ITGA9: variants seen among roughly 807,000 people sequenced by gnomAD.
ITGA9 encodes the protein integrin subunit alpha 9.
In ITGA9, 56 loss-of-function variants were observed where a neutral mutation model predicts 127.8. The ratio of observed to expected loss-of-function variants is 0.44; its 90% CI spans 0.35 to 0.55. The LOEUF is 0.55. Among genes scored for constraint, ITGA9 ranks in the 20% least tolerant of loss-of-function variants. The pLI is 0.00. For synonymous variants in ITGA9, 508 were observed against 514.5 expected, an observed-to-expected ratio of 0.99 and a Z score of 0.17; for missense variants, 1,196 against 1,347.1, an observed-to-expected ratio of 0.89 and a Z score of 1.76.
chr3:37,736,508 A>C (rs142759283), intron 19 of ITGA9, among the ~76,000 whole-genome samples: 1 of 152,372 alleles, frequency 6.6e-6, no homozygotes, highest in East Asian at 1.9e-4. Context: ...ACAGTGATAT[A>C]AATTGTTCTT....
chr3:37,543,624 C>T (rs1436849203), intron 15 of ITGA9, among the ~76,000 whole-genome samples: 2 of 152,164 alleles, frequency 1.3e-5, no homozygotes, highest in African/African-American at 4.8e-5. Context: ...TAGCTCAACC[C>T]AATATTGTTT....
chr3:37,522,359 G>A (rs1301372239), intron 11 of ITGA9, among the ~76,000 whole-genome samples: 3 of 152,160 alleles, frequency 2.0e-5, no homozygotes, highest in African/African-American at 7.2e-5. Context: ...CAGCTTCAGT[G>A]TGACAAAGGC....
At chr3:37,787,729 T>C (rs969057479) in intron 26 of ITGA9, among the ~76,000 whole-genome samples, 2 of 152,228 alleles carry the variant, frequency 1.3e-5, no homozygotes, top group Admixed American at 1.3e-4. Flanking sequence ...CTGTCAACTA[T>C]CAGTCTGAAG....
chr3:37,780,581 T>A (rs1696965085), intron 25 of ITGA9, among the ~76,000 whole-genome samples: 1 of 152,188 alleles, frequency 6.6e-6, no homozygotes, highest in Non-Finnish European at 1.5e-5. Flanking sequence ...CATCCATTCA[T>A]GGACACTTAA....
chr3:37,471,153 T>G lies in ITGA9; in HGVS notation c.313+19T>G. 2.5e-6 allele frequency: 4 copies of G among 1,613,740 alleles called. No individual in the cohort carries two copies. Among genetic ancestry groups the G allele is most frequent in the Non-Finnish European group, 3.4e-6 (4 of 1,179,780 alleles). ...GCTCGAGGTGGGTGACCATTACTGC[T>G]GTGGTGGAAATGGGTTCTGTACCCT... On this transcript the variant is annotated intron_variant, in intron 2 of 27. Transcript: ENST00000264741.
At chr3:37,731,209 C>T (rs79523464) in intron 18 of ITGA9, among the ~76,000 whole-genome samples, 4,863 of 152,210 alleles carry the variant, frequency 0.032, 112 homozygotes, top group Middle Eastern at 0.065. Flanking sequence ...GCCCAGGAAT[C>T]TGCATTTTAT....
rs190708959 is a variant in ITGA9 at position 37,637,015 on chromosome 3, A to G, written c.1839+7679A>G. On this transcript the variant is annotated intron_variant, in intron 16 of 27. Transcript: ENST00000264741. ...ATATCTCTGTTTTGGTACCAGTACC[A>G]TGCTGTTTTGGTTACTGTAGCCTTG... is the stretch of plus-strand genomic sequence containing the variant. Among the ~76,000 whole-genome samples the G allele has an allele frequency of 2.5e-3, 386 of 152,300 alleles. 1 individual carries two copies. Among genetic ancestry groups the G allele is most frequent in the African/African-American group, 8.7e-3 (361 of 41,546 alleles).
intron 4 of ITGA9, among the ~76,000 whole-genome samples, chr3:37,492,340 G>A (rs1698681931): frequency 6.6e-6 from 1 of 152,262 alleles, no homozygotes; most frequent in Non-Finnish European, 1.5e-5. Context: ...TCAGACCTCT[G>A]GTGGGGCAGT....
chr3:37,754,507 C>A (rs2125539810), intron 23 of ITGA9, among the ~76,000 whole-genome samples: 1 of 152,330 alleles, frequency 6.6e-6, no homozygotes, highest in South Asian at 2.1e-4. Context: ...ATTCATTCCT[C>A]CTCCTGCAAA....
intron 15 of ITGA9, among the ~76,000 whole-genome samples, chr3:37,552,439 CATT>C (rs1699387161): frequency 1.4e-5 from 2 of 145,494 alleles, no homozygotes; most frequent in Non-Finnish European, 2.9e-5. Flanking sequence ...TAGAGAAAAT[CATT>C]ATTTTTAGTC....
intron 11 of ITGA9, among the ~76,000 whole-genome samples, chr3:37,522,518 G>A (rs993194095): frequency 2.0e-5 from 3 of 152,088 alleles, no homozygotes; most frequent in Non-Finnish European, 4.4e-5. Flanking sequence ...TTGAGGCTTG[G>A]AGTTTGAAAC....
At chr3:37,809,447 T>G (rs1016822813) in intron 27 of ITGA9, among the ~76,000 whole-genome samples, 8 of 152,140 alleles carry the variant, frequency 5.3e-5, no homozygotes, top group African/African-American at 1.9e-4. Flanking sequence ...TATTTTAAAG[T>G]AGATGAAACC....
intron 16 of ITGA9, among the ~76,000 whole-genome samples, chr3:37,632,698 C>T (rs1054059794): frequency 7.2e-5 from 11 of 152,038 alleles, no homozygotes; most frequent in Admixed American, 1.3e-4. Flanking sequence ...CTAAATGTTT[C>T]GAGGGCAAAG....
At chr3:37,683,729 A>G (rs1700754817) in intron 17 of ITGA9, 136 bp from the exon 18 acceptor site, 3 of 844,862 alleles carry the variant, frequency 3.6e-6, no homozygotes, top group Non-Finnish European at 5.9e-6. Flanking sequence ...CCAAGGACAC[A>G]TGGCTAGTTA....
intron 1 of ITGA9, among the ~76,000 whole-genome samples, chr3:37,467,162 A>G (rs1489287325): frequency 4.6e-5 from 7 of 152,202 alleles, no homozygotes. Flanking sequence ...ACACATAGAT[A>G]CAAGCACATT....
chr3:37,815,503 A>G (rs1304324450), intron 27 of ITGA9, among the ~76,000 whole-genome samples: 2 of 151,632 alleles, frequency 1.3e-5, no homozygotes, highest in African/African-American at 2.4e-5. Context: ...CAGCTACTCG[A>G]GAGGCTGAGG....
chr3:37,579,993 T>C (rs1575156593), intron 15 of ITGA9, among the ~76,000 whole-genome samples: 2 of 152,228 alleles, frequency 1.3e-5, no homozygotes, highest in African/African-American at 4.8e-5. Flanking sequence ...TGATAAAGAA[T>C]CTAATAGTTA....
intron 17 of ITGA9, among the ~76,000 whole-genome samples, chr3:37,658,294 C>T (rs1420128575): frequency 1.3e-5 from 2 of 152,154 alleles, no homozygotes; most frequent in African/African-American, 4.8e-5. Context: ...GTGTTAAAGT[C>T]TCCCACTATT....
chr3:37,633,946 G>T (rs866265722), intron 16 of ITGA9, among the ~76,000 whole-genome samples: 1 of 152,116 alleles, frequency 6.6e-6, no homozygotes, highest in African/African-American at 2.4e-5. Context: ...TCAAAAAATC[G>T]TAGGTTGAAC....
Sources: gnomAD v4.1 joint callset for allele counts (sites outside exome capture counted in the v4.1 genomes callset) on GRCh38, gnomAD v4.1.1 for gene constraint, MANE v1.5 for transcripts, NCBI Gene and HGNC (gene_info 2026-07-23, HGNC 2026-07-21) for gene names.